The following PTP4A1 variants were observed in gnomAD, a reference collection of about 807,000 sequenced individuals.
The protein encoded by PTP4A1 is protein tyrosine phosphatase 4A1, also known as protein tyrosine phosphatase type IVA 1.
Under a neutral mutation model 20.5 loss-of-function variants are expected in PTP4A1, and 9 were observed. That is an observed-to-expected ratio of 0.44 (90% CI 0.26 to 0.77). PTP4A1 has a LOEUF of 0.77. PTP4A1 is among the 30% of genes least tolerant of loss of function. The pLI is 0.19. For synonymous variants in PTP4A1, 78 were observed against 67.4 expected (o/e 1.16, Z -0.77); for missense variants, 137 against 218.8 (o/e 0.63, Z 2.36).
In PTP4A1 at chr6:63,579,314, A is replaced by G. The variant is rs751043835; in HGVS notation, c.387A>G (p.Ala129=). 5 of 1,606,138 alleles carry G rather than the reference A, an allele frequency of 3.1e-6. No homozygotes were observed. Among genetic ancestry groups the G allele is most frequent in the Non-Finnish European group, 4.3e-6 (5 of 1,175,098 alleles). ...LIEGGMKYED[A]VQFIRQKRRG... is the part of the protein sequence containing the mutation. ...AAGGTGGAATGAAATACGAAGATGC[A>G]GTACAATTCATAAGACAGTAAGTAA... Residue 129 remains alanine, a synonymous_variant, in exon 5 of 6, where the codon GCA becomes GCG. Coordinates refer to ENST00000626021, the MANE Select transcript of PTP4A1 (RefSeq NM_003463.5).
chr6:63,573,826 C>A (rs987850245), intron 1 of PTP4A1, among the ~76,000 whole-genome samples: 3 of 152,176 alleles, frequency 2.0e-5, no homozygotes, highest in African/African-American at 4.8e-5. Context: ...AAGGACTTCC[C>A]GTCCGGGCAC....
chr6:63,526,825 A>ATATATATATG (rs1562111468), intron 1 of PTP4A1, among the ~76,000 whole-genome samples: 1 of 143,484 alleles, frequency 7.0e-6, no homozygotes, highest in African/African-American at 2.6e-5. Flanking sequence ...ATATATATAT[A>ATATATATATG]TATATATATA....
intron 2 of PTP4A1, chr6:63,549,104 G>A: frequency 1.4e-6 from 1 of 704,356 alleles, no homozygotes; most frequent in South Asian, 1.5e-5. Context: ...CTGCTCGAAG[G>A]ACAGGTGGTC....
intron 1 of PTP4A1, among the ~76,000 whole-genome samples, chr6:63,526,837 T>TATATA (rs1562111525): frequency 1.3e-3 from 111 of 87,638 alleles, no homozygotes; most frequent in South Asian, 5.6e-3. Context: ...ATATATATAT[T>TATATA]TATTTATTTA....
the PTP4A1 span, among the ~76,000 whole-genome samples, chr6:63,516,623 ATTC>A: frequency 1.3e-5 from 2 of 152,130 alleles, no homozygotes; most frequent in African/African-American, 4.8e-5. Flanking sequence ...CTTAATACTC[ATTC>A]TTCTCATCTT....
chr6:63,568,194 G>A (rs1212767068), upstream of PTP4A1, among the ~76,000 whole-genome samples: 7 of 152,176 alleles, frequency 4.6e-5, no homozygotes, highest in Non-Finnish European at 2.9e-5. Context: ...CAACTTGACT[G>A]TTTTGGGTAT....
chr6:63,520,746 T>A (rs1774889703), upstream of PTP4A1, among the ~76,000 whole-genome samples: 1 of 152,178 alleles, frequency 6.6e-6, no homozygotes, highest in Non-Finnish European at 1.5e-5. Flanking sequence ...TTGTGTTTAT[T>A]ATTTCCTTGT....
upstream of PTP4A1, among the ~76,000 whole-genome samples, chr6:63,520,929 T>C (rs1035150703): frequency 1.3e-5 from 2 of 152,140 alleles, no homozygotes; most frequent in Admixed American, 6.5e-5. Flanking sequence ...TCATGTCCTT[T>C]GCAGGGACAT....
At chr6:63,521,262 G>T (rs1009173063), upstream of PTP4A1, among the ~76,000 whole-genome samples, 2 of 152,014 alleles carry the variant, frequency 1.3e-5, no homozygotes, top group Non-Finnish European at 2.9e-5. Context: ...AGCAAGAAAA[G>T]AAAAAAACGG....
At chr6:63,560,157 G>C (rs1037906172) in intron 3 of PTP4A1, among the ~76,000 whole-genome samples, 15 of 151,788 alleles carry the variant, frequency 9.9e-5, no homozygotes, top group Admixed American at 9.2e-4. Context: ...GGCAAACATG[G>C]GGAAACCCCG....
At chr6:63,533,925 C>T (rs944516388) in intron 2 of PTP4A1, among the ~76,000 whole-genome samples, 8 of 150,312 alleles carry the variant, frequency 5.3e-5, no homozygotes, top group Non-Finnish European at 8.9e-5. Flanking sequence ...CTCATTACAA[C>T]CTCTGCCTCC....
chr6:63,577,023 C>A, intron 2 of PTP4A1, 38 bp downstream of exon 2: 2 of 1,503,456 alleles, frequency 1.3e-6, no homozygotes, highest in Non-Finnish European at 1.8e-6. Flanking sequence ...AAATTGATTG[C>A]AATATAATAG....
intron 2 of PTP4A1, 118 bp downstream of exon 2, chr6:63,577,103 C>A (rs1281826243): frequency 2.3e-5 from 17 of 738,868 alleles, no homozygotes. Context: ...AATTCCAGTT[C>A]CCAGAAATAA....
exon 1 of PTP4A1, chr6:63,521,795 A>C (rs1774935105): frequency 6.6e-6 from 1 of 152,238 alleles, no homozygotes. Flanking sequence ...GAACTGAAAT[A>C]ATCATCAATC....
chr6:63,563,438 C>G (rs182754151), intron 3 of PTP4A1, among the ~76,000 whole-genome samples: 1 of 152,200 alleles, frequency 6.6e-6, no homozygotes, highest in Admixed American at 6.5e-5. Flanking sequence ...CTTCCTCCCC[C>G]TCTTTTTGTG....
chr6:63,581,498 CAA>C lies in PTP4A1; in HGVS notation c.*1327_*1328del, dbSNP rs1231078227. The C allele has an allele frequency of 6.6e-6, 1 of 152,452 alleles. No homozygotes were observed. The highest frequency in any genetic ancestry group is 2.4e-5 in the African/African-American group (1 of 41,416). 9.4% of individuals were successfully genotyped at this position (152,452 alleles called of 1,614,324 possible). On this transcript the variant is annotated 3_prime_UTR_variant, in exon 6 of 6. Coordinates refer to ENST00000626021, the MANE Select transcript of PTP4A1 (RefSeq NM_003463.5). ...TAAAATTAACTTATTTTGTAGAAGA[CAA>C]AATGAATTGCACTTCACTTAATGTG...
chr6:63,549,741 T>C (rs2149489208), intron 2 of PTP4A1, among the ~76,000 whole-genome samples: 1 of 151,864 alleles, frequency 6.6e-6, no homozygotes, highest in African/African-American at 2.4e-5. Flanking sequence ...CACTCATATG[T>C]GGAAGCTAAA....
chr6:63,558,160 G>A (rs951118393), intron 3 of PTP4A1, among the ~76,000 whole-genome samples: 1 of 152,074 alleles, frequency 6.6e-6, no homozygotes, highest in Admixed American at 6.6e-5. Context: ...GTGAGCCACC[G>A]TGCCCGGCCA....
chr6:63,578,675 T>C, intron 3 of PTP4A1, 146 bp downstream of exon 3: 2 of 1,303,740 alleles, frequency 1.5e-6, no homozygotes, highest in Non-Finnish European at 2.0e-6. Flanking sequence ...AGAATCTTAA[T>C]TTCTAAATAA....
Sources: gnomAD v4.1 joint callset for allele counts (sites outside exome capture counted in the v4.1 genomes callset) on GRCh38, gnomAD v4.1.1 for gene constraint, MANE v1.5 for transcripts, NCBI Gene and HGNC (gene_info 2026-07-23, HGNC 2026-07-21) for gene names.